Variants in AKR1B1 observed in about 807,000 individuals in gnomAD.
AKR1B1 encodes the protein aldo-keto reductase family 1 member B1.
In AKR1B1, 22 loss-of-function variants were observed where a neutral mutation model predicts 40.4. The ratio of observed to expected loss-of-function variants is 0.54; its 90% CI spans 0.39 to 0.78. The LOEUF (loss-of-function observed/expected upper bound fraction) is 0.78, where lower values mean the gene tolerates loss of function less well. Ranked by LOEUF, AKR1B1 falls within the 30% of genes least tolerant of loss-of-function variation. AKR1B1 has a pLI of 0.00. For synonymous variants in AKR1B1, 157 were observed against 149.9 expected, an observed-to-expected ratio of 1.05 and a Z score of -0.35; for missense variants, 357 against 396.7, an observed-to-expected ratio of 0.90 and a Z score of 0.85.
chr7:134,457,599 A>T (rs1299636789), intron 1 of AKR1B1, among the ~76,000 whole-genome samples: 2 of 151,976 alleles, frequency 1.3e-5, no homozygotes, highest in Non-Finnish European at 2.9e-5. Context: ...GTACATGTAA[A>T]CTCTTCTGTC....
chr7:134,458,138 A>G (rs1226767055), intron 1 of AKR1B1, among the ~76,000 whole-genome samples: 1 of 152,158 alleles, frequency 6.6e-6, no homozygotes, highest in Non-Finnish European at 1.5e-5. Flanking sequence ...ATTTTCAGAT[A>G]ATCAGGCTCA....
chr7:134,457,051 C>T (rs1247333469), intron 1 of AKR1B1, among the ~76,000 whole-genome samples: 1 of 151,878 alleles, frequency 6.6e-6, no homozygotes, highest in Non-Finnish European at 1.5e-5. Context: ...GGTATGAGGA[C>T]CACTTGAGCC....
At chr7:134,453,589 A>G (rs1806359173) in intron 1 of AKR1B1, among the ~76,000 whole-genome samples, 1 of 152,156 alleles carries the variant, frequency 6.6e-6, no homozygotes, top group African/African-American at 2.4e-5. Context: ...TGGAACCAAA[A>G]GAGCACAGAC....
chr7:134,443,756 T>C (rs1806012676), intron 9 of AKR1B1, among the ~76,000 whole-genome samples: 1 of 151,996 alleles, frequency 6.6e-6, no homozygotes, highest in Admixed American at 6.6e-5. Context: ...GTGCTTACAG[T>C]CTGTAACTCT....
At chr7:134,443,387 T>C (rs956813873) in intron 9 of AKR1B1, among the ~76,000 whole-genome samples, 1 of 151,544 alleles carries the variant, frequency 6.6e-6, no homozygotes, top group African/African-American at 2.4e-5. Flanking sequence ...CATTCCAGCC[T>C]GGGTGACAGA....
chr7:134,447,952 C>T (rs764309914), intron 7 of AKR1B1, 28 bp downstream of exon 7: 30 of 1,592,034 alleles, frequency 1.9e-5, no homozygotes, highest in Middle Eastern at 3.3e-4. Flanking sequence ...CAGTTGTGGA[C>T]GGTCAGCAAC....
upstream of AKR1B1, chr7:134,459,239 C>A (rs888138679): frequency 1.4e-6 from 1 of 710,994 alleles, no homozygotes; most frequent in East Asian, 2.8e-5. Flanking sequence ...CAAGGGTCGG[C>A]GGGGATGCTT....
At chr7:134,443,638 A>T (rs1806009241) in intron 9 of AKR1B1, among the ~76,000 whole-genome samples, 1 of 150,944 alleles carries the variant, frequency 6.6e-6, no homozygotes, top group Non-Finnish European at 1.5e-5. Flanking sequence ...AGGCTCACTC[A>T]CTGTCCATCT....
At position 134,447,453 on chromosome 7, in the gene AKR1B1, C is replaced by T. The variant is rs1372370601; in HGVS notation, c.742-72G>A. ...GCACCCATCATCTCAGTCTCTCACA[C>T]ACACAACCTGCAGAAGGACGTGCTA... On this transcript the variant is annotated intron_variant, in intron 7 of 9. Transcript: ENST00000285930. 3.1e-6 allele frequency: 4 copies of T among 1,306,374 alleles called. No individual in the cohort carries two copies. In the East Asian group the frequency reaches 6.9e-5, roughly 23 times the overall value. The allele number at this position is 1,306,374 out of a possible 1,614,324, so 80.9% of individuals were successfully genotyped here. A position where few individuals can be genotyped will look rare whatever the true frequency, so the allele number is the denominator to read the frequency against.
chr7:134,446,249 G>A (rs1346131718), intron 8 of AKR1B1, among the ~76,000 whole-genome samples: 1 of 152,114 alleles, frequency 6.6e-6, no homozygotes, highest in Non-Finnish European at 1.5e-5. Context: ...ATTTTATCTT[G>A]TGTACTTAGA....
At chr7:134,451,438 C>T in intron 2 of AKR1B1, 148 bp downstream of exon 2, 1 of 977,020 alleles carries the variant, frequency 1.0e-6, no homozygotes, top group South Asian at 1.4e-5. Flanking sequence ...CTCTGGAGCC[C>T]TGTATGGCCG....
At chr7:134,443,513 CAG>C (rs1310138235) in intron 9 of AKR1B1, among the ~76,000 whole-genome samples, 1 of 152,074 alleles carries the variant, frequency 6.6e-6, no homozygotes, top group Non-Finnish European at 1.5e-5. Context: ...CTCCTTGTAT[CAG>C]TGGGGGCTGA....
rs536960470 is a variant in AKR1B1, at chr7:134,442,367, C to T, written c.*361G>A. On this transcript the variant is annotated 3_prime_UTR_variant, in exon 10 of 10. Transcript: ENST00000285930. Reference sequence around the variant, plus strand: ...TCACAAAACCAAGCTCACAAAAGCACTTTTTATTTGAGGCAAAGAGAAGTC... The same window carrying T: ...TCACAAAACCAAGCTCACAAAAGCATTTTTTATTTGAGGCAAAGAGAAGTC... The T allele has an allele frequency of 5.7e-5, 12 of 209,748 alleles. No homozygotes were observed. Among genetic ancestry groups the T allele is most frequent in the African/African-American group, 2.5e-4 (11 of 43,450 alleles). 13.0% of individuals were successfully genotyped at this position (209,748 alleles called of 1,614,324 possible). A position where few individuals can be genotyped will look rare whatever the true frequency, so the allele number is the denominator to read the frequency against.
rs574764461 is a variant in AKR1B1 at position 134,449,362 on chromosome 7, G to A, written c.430-243C>T. The A allele has an allele frequency of 2.3e-4, 135 of 592,534 alleles. 1 individual carries two copies. The highest frequency in any genetic ancestry group is 2.6e-4 in the African/African-American group (14 of 53,972). The allele number at this position is 592,534 out of a possible 1,614,324, so 36.7% of individuals were successfully genotyped here. A position where few individuals can be genotyped will look rare whatever the true frequency, so the allele number is the denominator to read the frequency against. ...AGCACTTTGGGAGGCTGAGGCGGGCGGATCACGAGGTCAGGAGATCAAGAC... is the reference window on the plus strand; with the variant it reads ...AGCACTTTGGGAGGCTGAGGCGGGCAGATCACGAGGTCAGGAGATCAAGAC... On this transcript the variant is annotated intron_variant, in intron 4 of 9. Coordinates refer to ENST00000285930, the MANE Select transcript of AKR1B1 (RefSeq NM_001628.4).
At position 134,458,989 on chromosome 7, in the gene AKR1B1, G is replaced by A. The variant is rs543922972; in HGVS notation, c.66+8C>T. On this transcript the variant is annotated splice_region_variant and intron_variant, in intron 1 of 9. Transcript: ENST00000285930. ...GAGCCCCGGGCCCGCGCCCCCACGA[G>A]CACCTACCTTCCAGGTACCCAACCC... 3.1e-6 allele frequency: 5 copies of A among 1,605,880 alleles called. No homozygotes were observed. The African/African-American group carries it at 4.0e-5, about 13-fold the overall frequency.
chr7:134,454,905 A>T (rs1016927760), intron 1 of AKR1B1, among the ~76,000 whole-genome samples: 1 of 152,226 alleles, frequency 6.6e-6, no homozygotes, highest in Non-Finnish European at 1.5e-5. Context: ...GTTTCCAACT[A>T]GTTGAGATGT....
Position 134,449,168 on chromosome 7 carries a change from A to G in AKR1B1, c.430-49T>C, listed in dbSNP as rs756345099. ...GTGCAGAAACGAACCCAGAAAGGAC[A>G]GGATCAGAAGTGTCGTTTGCACCAG... On this transcript the variant is annotated intron_variant, in intron 4 of 9. Transcript: ENST00000285930. The G allele has an allele frequency of 2.5e-5, 40 of 1,610,440 alleles. No individual in the cohort carries two copies. The East Asian group carries it at 7.6e-4, about 31-fold the overall frequency.
intron 1 of AKR1B1, among the ~76,000 whole-genome samples, chr7:134,457,467 A>G (rs1268408948): frequency 1.3e-5 from 2 of 152,254 alleles, no homozygotes; most frequent in African/African-American, 4.8e-5. Flanking sequence ...TAGAGACACC[A>G]CTGGAGTTTT....
chr7:134,448,091 C>A (rs769243489), intron 6 of AKR1B1, 30 bp from the exon 7 acceptor site: 4 of 1,565,338 alleles, frequency 2.6e-6, no homozygotes, highest in Middle Eastern at 2.2e-4. Flanking sequence ...CCAGGTCACA[C>A]CATCATGGCC....
Sources: allele counts gnomAD v4.1 joint callset (sites outside exome capture counted in the v4.1 genomes callset), GRCh38; gene constraint gnomAD v4.1.1; transcripts MANE v1.5; gene names NCBI Gene and HGNC (gene_info 2026-07-23, HGNC 2026-07-21).